Variants in PEX14 observed in about 807,000 individuals in gnomAD.
The protein encoded by PEX14 is peroxisomal membrane protein PEX14.
A neutral mutation model predicts 49.5 loss-of-function variants in PEX14; 15 were observed. That is an observed-to-expected ratio of 0.30 (90% CI 0.20 to 0.47). The LOEUF (loss-of-function observed/expected upper bound fraction) is 0.47. Ranked by LOEUF, PEX14 falls within the 20% of genes least tolerant of loss-of-function variation. The pLI is 1.00. For synonymous variants in PEX14, 210 were observed against 212.7 expected (o/e 0.99, Z 0.11); for missense variants, 398 against 494.8 (o/e 0.80, Z 1.86).
At chr1:10,499,595 C>A (rs530427654) in intron 2 of PEX14, among the ~76,000 whole-genome samples, 1 of 151,850 alleles carries the variant, frequency 6.6e-6, no homozygotes, top group Non-Finnish European at 1.5e-5. Context: ...ATTACAGGTA[C>A]GCGCCGCCAT....
At chr1:10,610,878 C>T (rs1203938200) in intron 4 of PEX14, among the ~76,000 whole-genome samples, 1 of 152,170 alleles carries the variant, frequency 6.6e-6, no homozygotes. Context: ...CTTCTCCCTT[C>T]ATCCTCTCTT....
intron 3 of PEX14, among the ~76,000 whole-genome samples, chr1:10,591,142 C>T (rs767923402): frequency 1.3e-5 from 2 of 152,100 alleles, no homozygotes; most frequent in South Asian, 2.1e-4. Context: ...TGTTTTGTTG[C>T]AATGATGGAA....
At chr1:10,559,419 T>G (rs1270379795) in intron 3 of PEX14, among the ~76,000 whole-genome samples, 2 of 152,168 alleles carry the variant, frequency 1.3e-5, no homozygotes, top group Non-Finnish European at 2.9e-5. Context: ...CACCTTATTT[T>G]AGAGAAGAAA....
chr1:10,605,892 T>A (rs1293492389), intron 4 of PEX14, among the ~76,000 whole-genome samples: 1 of 152,234 alleles, frequency 6.6e-6, no homozygotes, highest in Non-Finnish European at 1.5e-5. Flanking sequence ...TCCATTTTGT[T>A]GCTGTGTGTT....
chr1:10,524,059 C>T (rs1262002753), intron 2 of PEX14, among the ~76,000 whole-genome samples: 1 of 152,132 alleles, frequency 6.6e-6, no homozygotes, highest in African/African-American at 2.4e-5. Flanking sequence ...AGCTCTGCCA[C>T]TCGAGCGCTA....
chr1:10,519,060 C>CT (rs1182475724), intron 2 of PEX14, among the ~76,000 whole-genome samples: 1 of 152,170 alleles, frequency 6.6e-6, no homozygotes, highest in Non-Finnish European at 1.5e-5. Flanking sequence ...ACCCTGTATA[C>CT]TACACGTTGT....
intron 3 of PEX14, among the ~76,000 whole-genome samples, chr1:10,567,684 G>A (rs902272332): frequency 1.3e-5 from 2 of 152,064 alleles, no homozygotes; most frequent in African/African-American, 4.8e-5. Context: ...TAGTAGAGAC[G>A]GGGTTTCGCC....
rs1641779741 is a variant in PEX14, at chr1:10,627,383, A to G, written c.677+20A>G. The G allele has an allele frequency of 1.3e-6, 2 of 1,537,142 alleles. No individual in the cohort carries two copies. The highest frequency in any genetic ancestry group is 1.8e-6 in the Non-Finnish European group (2 of 1,110,380). Reference sequence around the variant, plus strand: ...AAATCGGTAGGAGGGAGGAATGGGGACCCTGTTCTGGTCGGGCCTGGAAAG... The same window carrying G: ...AAATCGGTAGGAGGGAGGAATGGGGGCCCTGTTCTGGTCGGGCCTGGAAAG... On this transcript the variant is annotated intron_variant, in intron 8 of 8. Coordinates refer to ENST00000356607, the MANE Select transcript of PEX14 (RefSeq NM_004565.3).
chr1:10,590,032 T>C (rs1269102431), intron 3 of PEX14, among the ~76,000 whole-genome samples: 1 of 152,056 alleles, frequency 6.6e-6, no homozygotes, highest in Admixed American at 6.5e-5. Flanking sequence ...GTATAGAGAG[T>C]AGTGCTGAGG....
Position 10,629,561 on chromosome 1 carries a change from G to C in PEX14, c.708G>C (p.Pro236=). 1.9e-6 allele frequency: 3 copies of C among 1,613,806 alleles called. No individual in the cohort carries two copies. Among genetic ancestry groups the C allele is most frequent in the Non-Finnish European group, 1.7e-6 (2 of 1,179,936 alleles). ...AGTTCCCTCCATCCCCATCAGCCCC[G>C]AAGATCCCCTCCTGGCAGATCCCAG... ...RRQFPPSPSA[P]KIPSWQIPVK... Residue 236 remains proline, a synonymous_variant, in exon 9 of 9, where the codon CCG becomes CCC. Coordinates refer to ENST00000356607, the MANE Select transcript of PEX14 (RefSeq NM_004565.3). The surrounding 1 kb of genome is among the most constrained non-coding windows in gnomAD (Gnocchi z 8.5).
intron 3 of PEX14, among the ~76,000 whole-genome samples, chr1:10,559,122 A>G (rs772859338): frequency 2.0e-5 from 3 of 152,134 alleles, no homozygotes; most frequent in Non-Finnish European, 2.9e-5. Context: ...TCCTTTTCCA[A>G]TGTCGTATGA....
chr1:10,577,244 A>G (rs1379390169), intron 3 of PEX14, among the ~76,000 whole-genome samples: 1 of 151,114 alleles, frequency 6.6e-6, no homozygotes, highest in East Asian at 2.1e-4. Flanking sequence ...TAATAATACA[A>G]AAATTAGCTG....
Position 10,532,085 on chromosome 1 carries a change from A to G in PEX14, c.85-4128A>G, listed in dbSNP as rs1638665846. 2.0e-5 allele frequency among the ~76,000 whole-genome samples: 3 copies of G among 152,174 alleles called. No individual in the cohort carries two copies. In the South Asian group the frequency reaches 6.2e-4, roughly 32 times the overall value. On this transcript the variant is annotated intron_variant, in intron 2 of 8. Transcript: ENST00000356607. ...TATACTGTATTCCATTGATTTATACAGTTACAAATCCTGCTCTCTCAAATA... is the reference window on the plus strand; with the variant it reads ...TATACTGTATTCCATTGATTTATACGGTTACAAATCCTGCTCTCTCAAATA...
rs1186210942 is a variant in PEX14, at chr1:10,514,156, C to CTCTGTG, written c.84+18836_84+18837insCTGTGT. Among the ~76,000 whole-genome samples, 332 of 143,264 alleles carry CTCTGTG rather than the reference C, an allele frequency of 2.3e-3. 2 individuals are homozygous for CTCTGTG. Among genetic ancestry groups the CTCTGTG allele is most frequent in the African/African-American group, 8.0e-3 (317 of 39,434 alleles). 94.0% of individuals were successfully genotyped at this position (143,264 alleles called of 152,430 possible). A position where few individuals can be genotyped will look rare whatever the true frequency, so the allele number is the denominator to read the frequency against. On this transcript the variant is annotated intron_variant, in intron 2 of 8. Transcript: ENST00000356607. The surrounding 1 kb of genome is among the most constrained non-coding windows in gnomAD (Gnocchi z 4.4). ...AAAATGTATAAAATAATCTATGCCT[C>CTCTGTG]TGTGTGTGTGTGTGTGTGTGTGTGT...
At chr1:10,486,219 T>C (rs1392242956) in intron 1 of PEX14, among the ~76,000 whole-genome samples, 2 of 152,214 alleles carry the variant, frequency 1.3e-5, no homozygotes, top group Non-Finnish European at 2.9e-5. Context: ...AAAGTAACAG[T>C]GGAAGTGGAT....
intron 2 of PEX14, among the ~76,000 whole-genome samples, chr1:10,496,271 G>A (rs1169391948): frequency 6.6e-6 from 1 of 152,186 alleles, no homozygotes; most frequent in Non-Finnish European, 1.5e-5. Flanking sequence ...ACTGTTTCAG[G>A]GGAGCAGTGT....
intron 2 of PEX14, among the ~76,000 whole-genome samples, chr1:10,499,987 G>C (rs78689195): frequency 0.014 from 2,075 of 152,068 alleles, 30 homozygotes; most frequent in Non-Finnish European, 0.015. Flanking sequence ...TCAGTCCTGG[G>C]GAAGCTCATC....
chr1:10,546,541 G>C (rs1639176983), intron 3 of PEX14, among the ~76,000 whole-genome samples: 1 of 137,018 alleles, frequency 7.3e-6, no homozygotes, highest in African/African-American at 2.8e-5. Flanking sequence ...TCCAGCCTGG[G>C]TGACAGAGCG....
Position 10,628,998 on chromosome 1 carries a change from A to G in PEX14, c.678-533A>G, listed in dbSNP as rs78044805. 9.6e-4 allele frequency among the ~76,000 whole-genome samples: 146 copies of G among 152,304 alleles called. No individual in the cohort carries two copies. Among genetic ancestry groups the G allele is most frequent in the African/African-American group, 3.3e-3 (139 of 41,570 alleles). The stretch of plus-strand genomic sequence containing the variant: ...GTGTTGAGCTCAGAAGTTTTCTAGC[A>G]AAGGGCATAACCACCGCCCTTTTGG... On this transcript the variant is annotated intron_variant, in intron 8 of 8. Transcript: ENST00000356607. This position sits in a 1 kb window ranked among gnomAD's most constrained non-coding sequence, Gnocchi z 4.5.
Sources: gnomAD v4.1 joint callset for allele counts (sites outside exome capture counted in the v4.1 genomes callset) on GRCh38, gnomAD v4.1.1 for gene constraint, Gnocchi (gnomAD v3.1) non-coding constraint, MANE v1.5 for transcripts, NCBI Gene and HGNC (gene_info 2026-07-23, HGNC 2026-07-21) for gene names.